Variants in SMARCA4 observed in about 807,000 individuals in gnomAD.
SMARCA4 encodes the protein SWI/SNF-related matrix-associated actin-dependent regulator of chromatin subfamily A member 4.
A neutral mutation model predicts 193.9 loss-of-function variants in SMARCA4; 31 were observed. The ratio of observed to expected loss-of-function variants is 0.16; its 90% CI spans 0.12 to 0.22. The LOEUF is 0.22. Ranked by LOEUF, SMARCA4 falls within the 10% of genes least tolerant of loss-of-function variation. The pLI, the probability that SMARCA4 is intolerant of heterozygous loss-of-function variation, is 1.00. For missense variants in SMARCA4, 1,148 were observed against 2,296.0 expected, an observed-to-expected ratio of 0.50 and a Z score of 10.22; for synonymous variants, 942 against 933.1, an observed-to-expected ratio of 1.01 and a Z score of -0.17.
At chr19:10,982,751 G>A (rs968295270) in intron 1 of SMARCA4, among the ~76,000 whole-genome samples, 6 of 152,112 alleles carry the variant, frequency 3.9e-5, no homozygotes, top group South Asian at 4.2e-4. Context: ...TGATCTGCCC[G>A]CCTTGGCCTC....
chr19:11,037,431 A>G (rs960800263), intron 29 of SMARCA4, among the ~76,000 whole-genome samples: 8 of 152,180 alleles, frequency 5.3e-5, no homozygotes, highest in African/African-American at 1.9e-4. Flanking sequence ...ATCTGTTCAT[A>G]TGCTTCTTGG....
intron 15 of SMARCA4, chr19:11,010,962 C>T (rs1326426602): frequency 2.3e-5 from 6 of 256,780 alleles, no homozygotes; most frequent in Middle Eastern, 1.4e-3. Flanking sequence ...AAACGGCGAG[C>T]GTCAGGAGCT....
chr19:10,968,495 A>G (rs1433844761), intron 1 of SMARCA4, among the ~76,000 whole-genome samples: 1 of 151,594 alleles, frequency 6.6e-6, no homozygotes, highest in African/African-American at 2.4e-5. Context: ...TTCTTTGAGG[A>G]GGTGTTTTTT....
chr19:11,029,878 G>A (rs2090522622), intron 24 of SMARCA4, among the ~76,000 whole-genome samples: 2 of 152,104 alleles, frequency 1.3e-5, no homozygotes, highest in South Asian at 4.1e-4. Flanking sequence ...GTTTCACCAT[G>A]TTGGCCAGGC....
intron 7 of SMARCA4, among the ~76,000 whole-genome samples, chr19:10,990,096 C>T (rs1370369110): frequency 1.3e-5 from 2 of 152,084 alleles, no homozygotes; most frequent in Non-Finnish European, 2.9e-5. Flanking sequence ...CTCATGTCCT[C>T]CTCCCGCTTC....
At chr19:11,003,436 C>CAGTGGG in intron 13 of SMARCA4, 39 bp downstream of exon 13, 4 of 1,561,062 alleles carry the variant, frequency 2.6e-6, no homozygotes, top group Non-Finnish European at 3.5e-6. Context: ...CTCTCAGTGC[C>CAGTGGG]CACTGGCAGT....
In SMARCA4 at chr19:11,061,894, C is replaced by A; in HGVS notation, c.*78C>A. The A allele has an allele frequency of 7.7e-7, 1 of 1,294,136 alleles. No individual in the cohort carries two copies. Among genetic ancestry groups the A allele is most frequent in the Non-Finnish European group, 1.1e-6 (1 of 888,090 alleles). The allele number at this position is 1,294,136 out of a possible 1,614,324, so 80.2% of individuals were successfully genotyped here. ...CATAGGCCTTAGCAGTAACGGGTAG[C>A]AGCAGATGTAGTTTCAGACTTGGAG... On this transcript the variant is annotated 3_prime_UTR_variant, in exon 35 of 35. Coordinates refer to ENST00000344626, the MANE Select transcript of SMARCA4 (RefSeq NM_003072.5).
intron 25 of SMARCA4, chr19:11,032,392 G>A (rs564441739): frequency 1.6e-3 from 244 of 152,490 alleles, no homozygotes; most frequent in Non-Finnish European, 2.6e-3. Flanking sequence ...CAGGCTGGAC[G>A]CAGTGGCTCA....
Position 10,994,837 on chromosome 19 carries a change from A to C in SMARCA4, c.1429A>C (p.Asn477His). The change falls in exon 9 of 35, where the codon AAT becomes CAT. Residue 477 changes from asparagine to histidine, a missense_variant. By Grantham distance (68) the Asn-to-His change is moderately conservative. Around this residue, in one of 17 missense-constraint regions of SMARCA4, gnomAD observed 69 missense variants for 186.9 expected, o/e 0.37. Transcript: ENST00000344626. Reference protein sequence around the residue: ...KRRQKHQEYLNSILQHAKDFK... With the variant: ...KRRQKHQEYLHSILQHAKDFK... ...TTGTGCTTTCCTGCAGGAATACCTC[A>C]ATAGCATTCTCCAGCATGCCAAGGA... 6.2e-7 allele frequency: 1 copy of C among 1,613,984 alleles called. No homozygotes were observed. Among genetic ancestry groups the C allele is most frequent in the Non-Finnish European group, 8.5e-7 (1 of 1,179,892 alleles).
rs1467706459 is a variant in SMARCA4, at chr19:11,060,598, C to T, written c.4911+411C>T. The stretch of plus-strand genomic sequence containing the variant: ...CAGTGGCATAGAGAATGGGCAGAAA[C>T]GCCAAGACCACAGTGGATAGTTTTT... On this transcript the variant is annotated intron_variant, in intron 34 of 34. Coordinates refer to ENST00000344626, the MANE Select transcript of SMARCA4 (RefSeq NM_003072.5). 28 of 282,666 alleles carry T rather than the reference C, an allele frequency of 9.9e-5. No individual in the cohort carries two copies. The South Asian group carries it at 1.1e-3, about 11-fold the overall frequency. The allele number at this position is 282,666 out of a possible 1,614,324, so 17.5% of individuals were successfully genotyped here.
At chr19:11,005,220 G>A (rs1038069184) in intron 13 of SMARCA4, among the ~76,000 whole-genome samples, 3 of 152,210 alleles carry the variant, frequency 2.0e-5, no homozygotes, top group African/African-American at 7.2e-5. Context: ...ACTCTGGGAG[G>A]TTGTGGTGGC....
Position 11,030,325 on chromosome 19 carries a change from T to TG in SMARCA4, c.3383-404dup, listed in dbSNP as rs923124682. Among the ~76,000 whole-genome samples, 1 of 152,224 alleles carries TG rather than the reference T, an allele frequency of 6.6e-6. No homozygotes were observed. Among genetic ancestry groups the TG allele is most frequent in the Non-Finnish European group, 1.5e-5 (1 of 68,032 alleles). ...TCCCTTGTGTTGCGAGCGGCGGTGT[T>TG]GCCGGCATTGGCCGCTGTGTCTTCC... is the stretch of plus-strand genomic sequence containing the variant. On this transcript the variant is annotated intron_variant, in intron 24 of 34. Coordinates refer to ENST00000344626, the MANE Select transcript of SMARCA4 (RefSeq NM_003072.5). This position sits in a 1 kb window ranked among gnomAD's most constrained non-coding sequence, Gnocchi z 5.5.
Position 11,030,721 on chromosome 19 carries a change from G to C in SMARCA4, c.3383-9G>C, listed in dbSNP as rs775035849. 1 of 1,610,196 alleles carries C rather than the reference G, an allele frequency of 6.2e-7. No homozygotes were observed. Among genetic ancestry groups the C allele is most frequent in the South Asian group, 1.1e-5 (1 of 90,290 alleles). ...CCCCGCTGACCCTGTTCTCCTCTGTGCCCGTCAGGAACCACGAAGGCGGAG... is the reference window on the plus strand; with the variant it reads ...CCCCGCTGACCCTGTTCTCCTCTGTCCCCGTCAGGAACCACGAAGGCGGAG... On this transcript the variant is annotated splice_polypyrimidine_tract_variant and intron_variant, in intron 24 of 34. Coordinates refer to ENST00000344626, the MANE Select transcript of SMARCA4 (RefSeq NM_003072.5). The surrounding 1 kb of genome is among the most constrained non-coding windows in gnomAD (Gnocchi z 5.5).
At position 11,027,889 on chromosome 19, in the gene SMARCA4, C is replaced by T. The variant is rs367786588; in HGVS notation, c.3321C>T (p.Ser1107=). The change falls in exon 24 of 35, where the codon TCC becomes TCT. Residue 1107 remains serine, a synonymous_variant. Coordinates refer to ENST00000344626, the MANE Select transcript of SMARCA4 (RefSeq NM_003072.5). ...HKVLLFCQMT[S]LMTIMEDYFA... The stretch of plus-strand genomic sequence containing the variant: ...TGCTGCTGTTCTGCCAAATGACCTC[C>T]CTCATGACCATCATGGAAGATTACT... The T allele has an allele frequency of 3.2e-5, 52 of 1,614,064 alleles. No homozygotes were observed. The highest frequency in any genetic ancestry group is 4.0e-5 in the Non-Finnish European group (47 of 1,180,040).
intron 11 of SMARCA4, among the ~76,000 whole-genome samples, chr19:11,001,888 G>A (rs2087673904): frequency 6.6e-6 from 1 of 152,268 alleles, no homozygotes; most frequent in African/African-American, 2.4e-5. Context: ...AATCTCAACA[G>A]GAGGAGTTTC....
intron 34 of SMARCA4, chr19:11,060,599 G>A (rs531031368): frequency 7.1e-6 from 2 of 282,840 alleles, no homozygotes; most frequent in East Asian, 8.0e-5. Flanking sequence ...GGGCAGAAAC[G>A]CCAAGACCAC....
intron 22 of SMARCA4, among the ~76,000 whole-genome samples, chr19:11,026,010 TC>T (rs2090229011): frequency 1.3e-5 from 2 of 152,212 alleles, no homozygotes; most frequent in Non-Finnish European, 1.5e-5. Context: ...TGGGGCTGTC[TC>T]AGCACCCTGA....
rs1459828844 is a variant in SMARCA4, at chr19:10,993,390, G to A, written c.1420-1438G>A. ...TAATCATTTATGTCACCTTTTTCCTGTTTGAGGACATGCAGCATGTTTCAG... is the reference window on the plus strand; with the variant it reads ...TAATCATTTATGTCACCTTTTTCCTATTTGAGGACATGCAGCATGTTTCAG... On this transcript the variant is annotated intron_variant, in intron 8 of 34. Coordinates refer to ENST00000344626, the MANE Select transcript of SMARCA4 (RefSeq NM_003072.5). Among the ~76,000 whole-genome samples the A allele has an allele frequency of 3.9e-5, 6 of 152,234 alleles. No individual in the cohort carries two copies. The Middle Eastern group carries it at 0.02, about 518-fold the overall frequency.
At position 11,027,616 on chromosome 19, in the gene SMARCA4, A is replaced by G. The variant is rs73500673; in HGVS notation, c.3216-168A>G. The G allele has an allele frequency of 0.035, 26,144 of 741,816 alleles. 644 individuals carry two copies. The highest frequency in any genetic ancestry group is 0.09 in the Middle Eastern group (253 of 2,798). The allele number at this position is 741,816 out of a possible 1,614,324, so 46.0% of individuals were successfully genotyped here. A position where few individuals can be genotyped will look rare whatever the true frequency, so the allele number is the denominator to read the frequency against. ...GCCGGGCTTATTTCAGTTGGGGGAA[A>G]TGGCTTTGCTGAAGCTTTGGGTGGG... On this transcript the variant is annotated intron_variant, in intron 23 of 34. Coordinates refer to ENST00000344626, the MANE Select transcript of SMARCA4 (RefSeq NM_003072.5).
Sources: gnomAD v4.1 joint callset for allele counts (sites outside exome capture counted in the v4.1 genomes callset) on GRCh38, gnomAD v4.1.1 for gene constraint, gnomAD v4.1.1 regional missense constraint, Gnocchi (gnomAD v3.1) non-coding constraint, MANE v1.5 for transcripts, NCBI Gene and HGNC (gene_info 2026-07-23, HGNC 2026-07-21) for gene names.